The following ZNF331 variants were observed in gnomAD, a reference collection of about 807,000 sequenced individuals.
ZNF331 encodes C2H2-like zinc finger protein rearranged in thyroid adenomas.
ZNF331 carries 2 observed loss-of-function variants against 7.0 expected under a neutral mutation model. The observed-to-expected ratio is 0.29, with a 90% CI of 0.12 to 0.90. The LOEUF is 0.90. ZNF331 is among the 40% of genes least tolerant of loss of function. The pLI is 0.58. For synonymous variants in ZNF331, 196 were observed against 205.4 expected (o/e 0.95, Z 0.39); for missense variants, 432 against 587.7 (o/e 0.74, Z 2.74).
At chr19:53,505,748 A>G in the ZNF331 span, among the ~76,000 whole-genome samples, 1 of 152,236 alleles carries the variant, frequency 6.6e-6, no homozygotes, top group East Asian at 1.9e-4. Context: ...GCGCTTTGGA[A>G]GGCCAAGGTG....
At chr19:53,554,261 G>A (rs73051558) in intron 2 of ZNF331, among the ~76,000 whole-genome samples, 44,519 of 152,150 alleles carry the variant, frequency 0.29, 6,828 homozygotes, top group Middle Eastern at 0.39. Context: ...GTGTCAGTGT[G>A]TGCATGTGTC....
chr19:53,504,273 G>C, the ZNF331 span: 2 of 291,964 alleles, frequency 6.9e-6, no homozygotes, highest in South Asian at 3.3e-5. Flanking sequence ...GCTTTGCTTT[G>C]CTTAGATAAG....
chr19:53,565,416 G>GACTCCTGGCTTCAAGCAGTCCTCCC (rs2090104950), intron 3 of ZNF331, among the ~76,000 whole-genome samples: 2 of 151,820 alleles, frequency 1.3e-5, no homozygotes, highest in African/African-American at 2.4e-5. Flanking sequence ...GCTGGTCTCA[G>GACTCCTGGCTTCAAGCAGTCCTCCC]ACTCCTGGCT....
Position 53,571,156 on chromosome 19 carries a change from C to T in ZNF331, c.10-448C>T, listed in dbSNP as rs2090428656. Among the ~76,000 whole-genome samples, 1 of 152,222 alleles carries T rather than the reference C, an allele frequency of 6.6e-6. No homozygotes were observed. Among genetic ancestry groups the T allele is most frequent in the African/African-American group, 2.4e-5 (1 of 41,464 alleles). On this transcript the variant is annotated intron_variant, in intron 4 of 5. Coordinates refer to ENST00000449416, the MANE Select transcript of ZNF331 (RefSeq NM_001079906.2). This position sits in a 1 kb window ranked among gnomAD's most constrained non-coding sequence, Gnocchi z 4.7. ...TTGGCCTCCCAAAGTGTTGGGATTA[C>T]AGGCGTGAGCCCCCCGCCCAGCCCC...
At position 53,571,773 on chromosome 19, in the gene ZNF331, A is replaced by C. The variant is rs145774401; in HGVS notation, c.136+43A>C. 4.1e-4 allele frequency: 639 copies of C among 1,567,972 alleles called. 2 individuals carry two copies. In the African/African-American group the frequency reaches 8.2e-3, roughly 20 times the overall value. The stretch of plus-strand genomic sequence containing the variant: ...GATAACTTAGACTGCCTCCTGGAAT[A>C]TCCGCTCTCCCCTGTGAATTTCAGG... On this transcript the variant is annotated intron_variant, in intron 5 of 5. Coordinates refer to ENST00000449416, the MANE Select transcript of ZNF331 (RefSeq NM_001079906.2). This position sits in a 1 kb window ranked among gnomAD's most constrained non-coding sequence, Gnocchi z 4.7.
At chr19:53,570,009 A>G (rs2090359069) in intron 4 of ZNF331, among the ~76,000 whole-genome samples, 1 of 152,154 alleles carries the variant, frequency 6.6e-6, no homozygotes, top group Admixed American at 6.6e-5. Context: ...TAATCCCAGC[A>G]CTTTGGGAGG....
chr19:53,506,826 G>C, the ZNF331 span, among the ~76,000 whole-genome samples: 1 of 152,226 alleles, frequency 6.6e-6, no homozygotes, highest in East Asian at 1.9e-4. Context: ...AATTATTCCA[G>C]TCTGGGTTGG....
chr19:53,546,363 T>C (rs1702241858), intron 2 of ZNF331, among the ~76,000 whole-genome samples: 1 of 152,032 alleles, frequency 6.6e-6, no homozygotes, highest in Non-Finnish European at 1.5e-5. Context: ...TAATAGCAAT[T>C]TATCCCAGTA....
At chr19:53,553,191 A>G (rs2089124218) in intron 2 of ZNF331, among the ~76,000 whole-genome samples, 1 of 151,452 alleles carries the variant, frequency 6.6e-6, no homozygotes, top group Admixed American at 6.6e-5. Context: ...ATTTTCCTCT[A>G]TCTTCTGCAA....
At chr19:53,574,569 C>T (rs1361097621) in intron 5 of ZNF331, among the ~76,000 whole-genome samples, 2 of 152,194 alleles carry the variant, frequency 1.3e-5, no homozygotes, top group East Asian at 1.9e-4. Context: ...ACAGGGTCCT[C>T]TGCCCTTTAT....
rs540264251 is a variant in ZNF331, at chr19:53,565,498, C to T, written c.-73-3806C>T. ...TACAAGTGTGAACCACTATGTCTGG[C>T]CTTTTTTGTCCTTTATCCTTTTTTA... On this transcript the variant is annotated intron_variant, in intron 3 of 5. Coordinates refer to ENST00000449416, the MANE Select transcript of ZNF331 (RefSeq NM_001079906.2). Among the ~76,000 whole-genome samples, 4 of 152,018 alleles carry T rather than the reference C, an allele frequency of 2.6e-5. No individual in the cohort carries two copies. The South Asian group carries it at 8.3e-4, about 32-fold the overall frequency.
At chr19:53,514,203 C>G in the ZNF331 span, among the ~76,000 whole-genome samples, 2 of 149,494 alleles carry the variant, frequency 1.3e-5, no homozygotes, top group South Asian at 4.3e-4. Context: ...TATATTTTTT[C>G]TCTGTTTTTT....
At chr19:53,525,948 T>G (rs2087278134) in intron 2 of ZNF331, among the ~76,000 whole-genome samples, 1 of 152,214 alleles carries the variant, frequency 6.6e-6, no homozygotes, top group African/African-American at 2.4e-5. Context: ...TGAGGTACAT[T>G]CCTCAATACC....
At chr19:53,516,367 T>A (rs1367602506), upstream of ZNF331, among the ~76,000 whole-genome samples, 1 of 151,828 alleles carries the variant, frequency 6.6e-6, no homozygotes, top group Non-Finnish European at 1.5e-5. Context: ...GGAGAATCAT[T>A]TGAACCCAGC....
chr19:53,546,152 AAAAAAAAAATT>A (rs963168797), intron 2 of ZNF331, among the ~76,000 whole-genome samples: 1 of 151,384 alleles, frequency 6.6e-6, no homozygotes, highest in African/African-American at 2.4e-5. Context: ...AAAAAAAAAA[AAAAAAAAAATT>A]ATTATTTAGG....
At chr19:53,548,644 G>C (rs554441453) in intron 2 of ZNF331, among the ~76,000 whole-genome samples, 1 of 152,112 alleles carries the variant, frequency 6.6e-6, no homozygotes, top group Non-Finnish European at 1.5e-5. Context: ...TGTTTCCTTT[G>C]CTGTGTGGGA....
chr19:53,568,575 G>A (rs1466507385), intron 3 of ZNF331, among the ~76,000 whole-genome samples: 1 of 152,142 alleles, frequency 6.6e-6, no homozygotes, highest in Non-Finnish European at 1.5e-5. Context: ...GCCCCCATCA[G>A]AAACAAAGAC....
chr19:53,520,192 C>A (rs888431557), upstream of ZNF331, among the ~76,000 whole-genome samples: 2 of 150,892 alleles, frequency 1.3e-5, no homozygotes, highest in African/African-American at 4.9e-5. Context: ...GGATTACAGG[C>A]ACACACCACC....
chr19:53,569,432 C>T (rs376417975), intron 4 of ZNF331, 47 bp downstream of exon 4: 19 of 1,605,736 alleles, frequency 1.2e-5, no homozygotes, highest in Middle Eastern at 1.6e-4. Flanking sequence ...TATTTGCGTT[C>T]TGTGCATCTG....
Sources: gnomAD v4.1 joint callset for allele counts (sites outside exome capture counted in the v4.1 genomes callset) on GRCh38, gnomAD v4.1.1 for gene constraint, Gnocchi (gnomAD v3.1) non-coding constraint, MANE v1.5 for transcripts, NCBI Gene and HGNC (gene_info 2026-07-23, HGNC 2026-07-21) for gene names.